RPS6KC1: variants seen among roughly 807,000 people sequenced by gnomAD.
RPS6KC1 encodes the protein ribosomal protein S6 kinase C1, also known as inactive ribosomal protein S6 kinase delta-1.
Under a neutral mutation model 103.8 loss-of-function variants are expected in RPS6KC1, and 54 were observed. That is an observed-to-expected ratio of 0.52 (90% CI 0.42 to 0.65). RPS6KC1 has a LOEUF of 0.65. RPS6KC1 is among the 30% of genes least tolerant of loss of function. RPS6KC1 has a pLI of 0.00. For synonymous variants in RPS6KC1, 439 were observed against 438.7 expected, an observed-to-expected ratio of 1.00 and a Z score of -0.01; for missense variants, 1,151 against 1,253.8, an observed-to-expected ratio of 0.92 and a Z score of 1.24.
chr1:213,284,932 G>T, the RPS6KC1 span, among the ~76,000 whole-genome samples: 1 of 152,000 alleles, frequency 6.6e-6, no homozygotes, highest in African/African-American at 2.4e-5. Context: ...AATACTCAGT[G>T]AAAGAAAGAG....
At chr1:213,615,959 A>AGTCAACTG in the RPS6KC1 span, among the ~76,000 whole-genome samples, 7 of 152,236 alleles carry the variant, frequency 4.6e-5, no homozygotes, top group Non-Finnish European at 1.0e-4. Context: ...AAGGAAGGCC[A>AGTCAACTG]GCCAGTTGAC....
At chr1:213,537,440 C>T in the RPS6KC1 span, among the ~76,000 whole-genome samples, 13 of 152,240 alleles carry the variant, frequency 8.5e-5, no homozygotes, top group Middle Eastern at 3.4e-3. Context: ...TGTGTGTTGG[C>T]CAATTCTCTG....
chr1:213,309,991 C>T, the RPS6KC1 span, among the ~76,000 whole-genome samples: 2 of 152,066 alleles, frequency 1.3e-5, no homozygotes, highest in Admixed American at 6.6e-5. Flanking sequence ...AGCAGATTCC[C>T]CTCTTGTCAT....
intron 8 of RPS6KC1, among the ~76,000 whole-genome samples, chr1:213,181,720 G>C (rs1042668097): frequency 2.0e-5 from 3 of 152,104 alleles, no homozygotes; most frequent in Non-Finnish European, 4.4e-5. Flanking sequence ...CTATCAACCA[G>C]AATTCTATAT....
At position 213,222,491 on chromosome 1, in the gene RPS6KC1, A is replaced by T. The variant is rs959755508; in HGVS notation, c.1045-8006A>T. ...TGGTCTGTTCATGCTAATGCTCTTG[A>T]TGGTGCAGCTTCTGATGGACTGAAG... is the stretch of plus-strand genomic sequence containing the variant. On this transcript the variant is annotated intron_variant, in intron 8 of 14. Transcript: ENST00000366960. 1.4e-4 allele frequency among the ~76,000 whole-genome samples: 22 copies of T among 152,124 alleles called. 1 individual carries two copies. The highest frequency in any genetic ancestry group is 1.4e-3 in the Admixed American group (22 of 15,278).
the RPS6KC1 span, among the ~76,000 whole-genome samples, chr1:213,299,799 C>A: frequency 2.6e-5 from 4 of 151,850 alleles, no homozygotes; most frequent in African/African-American, 9.7e-5. Context: ...ATGCTAAATT[C>A]TTTTTATTTT....
the RPS6KC1 span, among the ~76,000 whole-genome samples, chr1:213,629,465 G>A: frequency 1.3e-5 from 2 of 152,048 alleles, no homozygotes; most frequent in East Asian, 3.8e-4. Context: ...TTTATTTTGA[G>A]CCTATGTGTG....
At chr1:213,743,246 C>T in the RPS6KC1 span, among the ~76,000 whole-genome samples, 29 of 152,236 alleles carry the variant, frequency 1.9e-4, no homozygotes, top group African/African-American at 5.3e-4. Context: ...GCAACATGGA[C>T]GCAGCTGGAA....
chr1:213,106,249 GAAA>G (rs199781728), intron 4 of RPS6KC1, among the ~76,000 whole-genome samples: 2 of 149,108 alleles, frequency 1.3e-5, no homozygotes, highest in Non-Finnish European at 3.0e-5. Flanking sequence ...AATCAAGCAA[GAAA>G]AAAAAACTCA....
chr1:213,411,764 C>T, the RPS6KC1 span, among the ~76,000 whole-genome samples: 1 of 152,108 alleles, frequency 6.6e-6, no homozygotes, highest in African/African-American at 2.4e-5. Context: ...AAAATGGGTG[C>T]ATTTCTACAG....
intron 8 of RPS6KC1, among the ~76,000 whole-genome samples, chr1:213,187,073 A>AT (rs931734109): frequency 1.3e-5 from 2 of 151,650 alleles, no homozygotes; most frequent in South Asian, 2.1e-4. Flanking sequence ...TACCTGGCTA[A>AT]TTTTTTTTGT....
At chr1:213,480,716 A>G in the RPS6KC1 span, among the ~76,000 whole-genome samples, 1 of 152,134 alleles carries the variant, frequency 6.6e-6, no homozygotes, top group African/African-American at 2.4e-5. Context: ...AAGTCAGGAA[A>G]AAAAGTCTCC....
chr1:213,232,676 T>C (rs2094131563), intron 10 of RPS6KC1, among the ~76,000 whole-genome samples: 1 of 152,142 alleles, frequency 6.6e-6, no homozygotes, highest in African/African-American at 2.4e-5. Context: ...AAGGCAAGGG[T>C]GTTGGCTTAA....
chr1:213,225,856 T>C (rs1290921375), intron 8 of RPS6KC1, among the ~76,000 whole-genome samples: 3 of 152,170 alleles, frequency 2.0e-5, no homozygotes, highest in Admixed American at 6.5e-5. Context: ...TTTTACCTAG[T>C]GAGATGTGTT....
At position 213,241,079 on chromosome 1, in the gene RPS6KC1, A is replaced by G. The variant is rs1161327500; in HGVS notation, c.1603A>G (p.Met535Val). 6 of 1,613,514 alleles carry G rather than the reference A, an allele frequency of 3.7e-6. No homozygotes were observed. The highest frequency in any genetic ancestry group is 2.2e-5 in the East Asian group (1 of 44,850). ...EPGSLNEEPF[M>V]KTEGNGVDTK... is the part of the protein sequence containing the mutation. Reference sequence around the variant, plus strand: ...AGGGTCTTTGAATGAGGAGCCCTTCATGAAGACTGAAGGGAATGGTGTTGA... The same window carrying G: ...AGGGTCTTTGAATGAGGAGCCCTTCGTGAAGACTGAAGGGAATGGTGTTGA... The change falls in exon 11 of 15, where the codon ATG becomes GTG. Residue 535 changes from methionine (M) to valine (V), a missense_variant. Physicochemically the swap from Met to Val is conservative, Grantham distance 21. This residue lies in a region of RPS6KC1 where 959 missense variants were observed against 1,006.3 expected (regional missense o/e 0.95). Transcript: ENST00000366960.
the RPS6KC1 span, among the ~76,000 whole-genome samples, chr1:213,559,260 T>C: frequency 6.6e-6 from 1 of 152,184 alleles, no homozygotes; most frequent in African/African-American, 2.4e-5. Context: ...CTCTCCTGAC[T>C]CATGGCCACC....
At chr1:213,058,134 C>A (rs980845930) in intron 1 of RPS6KC1, among the ~76,000 whole-genome samples, 2 of 130,272 alleles carry the variant, frequency 1.5e-5, no homozygotes, top group Non-Finnish European at 3.1e-5. Flanking sequence ...AGTGCTTATT[C>A]GCAGGTGTGA....
chr1:213,736,036 G>T, the RPS6KC1 span, among the ~76,000 whole-genome samples: 1 of 152,190 alleles, frequency 6.6e-6, no homozygotes, highest in African/African-American at 2.4e-5. Context: ...TCTTGGTAGG[G>T]ATGCCAGGAG....
the RPS6KC1 span, among the ~76,000 whole-genome samples, chr1:213,810,622 A>G: frequency 6.6e-5 from 10 of 152,210 alleles, no homozygotes; most frequent in African/African-American, 2.2e-4. Flanking sequence ...ATGACTGCGT[A>G]AAGAAACAAA....
Sources: gnomAD v4.1 joint callset for allele counts (sites outside exome capture counted in the v4.1 genomes callset) on GRCh38, gnomAD v4.1.1 for gene constraint, gnomAD v4.1.1 regional missense constraint, MANE v1.5 for transcripts, NCBI Gene and HGNC (gene_info 2026-07-23, HGNC 2026-07-21) for gene names.